Variants in DLC1 observed in about 807,000 individuals in gnomAD.
The protein encoded by DLC1 is rho GTPase-activating protein 7.
A neutral mutation model predicts 140.3 loss-of-function variants in DLC1; 54 were observed. That is an observed-to-expected ratio of 0.38 (90% confidence interval 0.31 to 0.48). The LOEUF is 0.48. Ranked by LOEUF, DLC1 falls within the 20% of genes least tolerant of loss-of-function variation. The pLI is 0.96. For missense variants in DLC1, 2,536 were observed against 1,907.0 expected (o/e 1.33, Z -6.14); for synonymous variants, 986 against 728.1 (o/e 1.35, Z -5.70).
chr8:13,342,156 C>T (rs1834090131), intron 4 of DLC1: 1 of 152,204 alleles, frequency 6.6e-6, no homozygotes, highest in African/African-American at 2.4e-5. Context: ...TAAAGTTCTA[C>T]ATTTTCCTCT....
intron 4 of DLC1, among the ~76,000 whole-genome samples, chr8:13,371,582 A>AT (rs1835731683): frequency 2.7e-5 from 3 of 111,346 alleles, no homozygotes; most frequent in African/African-American, 1.2e-4. Context: ...GCTCACAATG[A>AT]CTTTTTTTTT....
intron 2 of DLC1, among the ~76,000 whole-genome samples, chr8:13,485,586 G>A (rs1800934332): frequency 6.6e-6 from 1 of 152,166 alleles, no homozygotes; most frequent in Non-Finnish European, 1.5e-5. Context: ...ATGTAGTAAC[G>A]TATCTGTTGA....
intron 1 of DLC1, chr8:13,567,982 G>C: frequency 4.7e-6 from 7 of 1,488,932 alleles, no homozygotes; most frequent in Non-Finnish European, 6.3e-6. Context: ...GTGTATTTGA[G>C]TAATTACCAT....
At chr8:13,329,557 G>A (rs531716526) in intron 4 of DLC1, among the ~76,000 whole-genome samples, 44 of 152,170 alleles carry the variant, frequency 2.9e-4, no homozygotes, top group Non-Finnish European at 5.1e-4. Flanking sequence ...AGAAAGAAAT[G>A]ACTTCTAGAA....
rs146353788 is a variant in DLC1, at chr8:13,563,512, G to T, written c.-126+41025C>A. 3.2e-4 allele frequency among the ~76,000 whole-genome samples: 49 copies of T among 152,286 alleles called. 1 individual carries two copies. Among genetic ancestry groups the T allele is most frequent in the African/African-American group, 1.1e-3 (47 of 41,564 alleles). On this transcript the variant is annotated intron_variant, in intron 1 of 1. Transcript: ENST00000631382. ...AGAAAGAATCAGCTCCTCACAGCGA[G>T]ATTCCTGGCATCTTTAACTTAGTCT...
intron 16 of DLC1, among the ~76,000 whole-genome samples, chr8:13,088,204 C>T (rs988772130): frequency 5.9e-5 from 9 of 152,182 alleles, no homozygotes; most frequent in Non-Finnish European, 8.8e-5. Flanking sequence ...CTCGGCCTCC[C>T]GAGTAGCTAG....
chr8:13,150,215 T>G (rs527492830), intron 5 of DLC1, among the ~76,000 whole-genome samples: 3 of 152,350 alleles, frequency 2.0e-5, no homozygotes, highest in African/African-American at 7.2e-5. Flanking sequence ...CTTCTCACAT[T>G]ACATCTATTT....
chr8:13,352,232 C>T (rs1053547689), intron 4 of DLC1, among the ~76,000 whole-genome samples: 7 of 152,336 alleles, frequency 4.6e-5, no homozygotes, highest in African/African-American at 1.2e-4. Flanking sequence ...ACGGCCCTCT[C>T]GGCCTCACCG....
intron 1 of DLC1, among the ~76,000 whole-genome samples, chr8:13,543,590 T>C (rs1369094578): frequency 6.6e-6 from 1 of 152,186 alleles, no homozygotes; most frequent in Non-Finnish European, 1.5e-5. Context: ...GAAAATGTGA[T>C]ACATATCTAT....
chr8:13,334,163 A>T (rs958946674), intron 4 of DLC1, among the ~76,000 whole-genome samples: 2 of 152,128 alleles, frequency 1.3e-5, no homozygotes, highest in African/African-American at 4.8e-5. Flanking sequence ...GTGACATTTG[A>T]GTTGCACCAT....
intron 17 of DLC1, 59 bp from the exon 18 acceptor site, chr8:13,085,990 A>C (rs1817524212): frequency 6.3e-7 from 1 of 1,595,350 alleles, no homozygotes; most frequent in Admixed American, 1.7e-5. Context: ...CATGGAAATA[A>C]AATGAGAAAC....
chr8:13,585,692 G>A (rs1450492161), intron 1 of DLC1, among the ~76,000 whole-genome samples: 1 of 152,032 alleles, frequency 6.6e-6, no homozygotes, highest in Non-Finnish European at 1.5e-5. Flanking sequence ...AGTTTCTGGT[G>A]GTTTGCTGAA....
rs187640797 is a variant in DLC1, at chr8:13,235,654, T to C, written c.1348+69615A>G. ...TTAACTCACAGGGTAACTATAGAGCTTTTTTTTTAGGTGAAAGATAATTAA... is the reference window on the plus strand; with the variant it reads ...TTAACTCACAGGGTAACTATAGAGCCTTTTTTTTAGGTGAAAGATAATTAA... On this transcript the variant is annotated intron_variant, in intron 5 of 17. Transcript: ENST00000276297. Among the ~76,000 whole-genome samples the C allele has an allele frequency of 5.4e-5, 8 of 147,250 alleles. No individual in the cohort carries two copies. The East Asian group carries it at 1.5e-3, about 27-fold the overall frequency.
intron 9 of DLC1, among the ~76,000 whole-genome samples, chr8:13,098,979 G>A (rs146744079): frequency 6.6e-6 from 1 of 151,976 alleles, no homozygotes; most frequent in Non-Finnish European, 1.5e-5. Flanking sequence ...CTTATCTTAG[G>A]AACTGATAGG....
At position 13,100,118 on chromosome 8, in the gene DLC1, G is replaced by A; in HGVS notation, c.2219C>T (p.Thr740Ile). Residue 740 changes from threonine (T) to isoleucine (I), a missense_variant, in exon 9 of 18, where the codon ACC becomes ATC. By Grantham distance (89) the Thr-to-Ile change is moderately conservative. Coordinates refer to ENST00000276297, the MANE Select transcript of DLC1 (RefSeq NM_182643.3). ...RKRSVSNSTQ[T>I]SSSSSQSETS... ...CTCCGACTGGCTGCTGCTGCTGCTGGTCTGCGTGGAGTTGGAAACGCTCCT... is the reference window on the plus strand; with the variant it reads ...CTCCGACTGGCTGCTGCTGCTGCTGATCTGCGTGGAGTTGGAAACGCTCCT... 1 of 1,613,996 alleles carries A rather than the reference G, an allele frequency of 6.2e-7. No homozygotes were observed. The highest frequency in any genetic ancestry group is 8.5e-7 in the Non-Finnish European group (1 of 1,180,046).
At chr8:13,193,045 G>A (rs1257588772) in intron 5 of DLC1, among the ~76,000 whole-genome samples, 1 of 152,074 alleles carries the variant, frequency 6.6e-6, no homozygotes, top group Non-Finnish European at 1.5e-5. Context: ...CTGTTCCCTT[G>A]TCCCAAACCA....
At chr8:13,391,927 A>G (rs368496807) in intron 4 of DLC1, among the ~76,000 whole-genome samples, 2 of 151,950 alleles carry the variant, frequency 1.3e-5, no homozygotes, top group African/African-American at 4.8e-5. Context: ...CAATGCATCA[A>G]TGATTTTCAA....
intron 5 of DLC1, among the ~76,000 whole-genome samples, chr8:13,145,870 A>G (rs888096423): frequency 6.6e-6 from 1 of 152,242 alleles, no homozygotes; most frequent in Non-Finnish European, 1.5e-5. Flanking sequence ...GAAACTGGTT[A>G]GGGAAGAGCA....
chr8:13,410,190 TA>T (rs1169992775), intron 2 of DLC1, among the ~76,000 whole-genome samples: 3 of 151,970 alleles, frequency 2.0e-5, no homozygotes, highest in African/African-American at 7.2e-5. Context: ...AAATTAAAAT[TA>T]AAAAAACCTC....
Sources: gnomAD v4.1 joint callset for allele counts (sites outside exome capture counted in the v4.1 genomes callset) on GRCh38, gnomAD v4.1.1 for gene constraint, MANE v1.5 for transcripts, NCBI Gene and HGNC (gene_info 2026-07-23, HGNC 2026-07-21) for gene names.